TRAPPC9: variants seen among roughly 807,000 people sequenced by gnomAD.
TRAPPC9 encodes IKK2 binding protein.
Under a neutral mutation model 124.0 loss-of-function variants are expected in TRAPPC9, and 83 were observed. The ratio of observed to expected loss-of-function variants is 0.67; its 90% CI spans 0.56 to 0.80. TRAPPC9 has a LOEUF of 0.80. TRAPPC9 is among the 30% of genes least tolerant of loss of function. TRAPPC9 has a pLI of 0.00. For synonymous variants in TRAPPC9, 638 were observed against 617.5 expected (o/e 1.03, Z -0.49); for missense variants, 1,302 against 1,508.3 (o/e 0.86, Z 2.27).
At chr8:140,398,088 G>A (rs1266272850) in intron 6 of TRAPPC9, among the ~76,000 whole-genome samples, 1 of 152,180 alleles carries the variant, frequency 6.6e-6, no homozygotes, top group East Asian at 1.9e-4. Context: ...CTCTTTGCCT[G>A]CTGTCATCCA....
intron 17 of TRAPPC9, among the ~76,000 whole-genome samples, chr8:140,068,479 G>A (rs1369506716): frequency 1.3e-5 from 2 of 152,054 alleles, no homozygotes; most frequent in African/African-American, 4.8e-5. Flanking sequence ...CATTTGGAGG[G>A]GACCTTCACT....
intron 21 of TRAPPC9, among the ~76,000 whole-genome samples, chr8:139,872,335 G>A (rs1296412461): frequency 9.7e-6 from 1 of 103,474 alleles, no homozygotes; most frequent in Non-Finnish European, 2.5e-5. Context: ...TGAGTGGATG[G>A]ATAGATGCGT....
chr8:140,105,151 C>G (rs1259492606), intron 17 of TRAPPC9, among the ~76,000 whole-genome samples: 1 of 152,238 alleles, frequency 6.6e-6, no homozygotes, highest in Admixed American at 6.5e-5. Context: ...TCCTAGGTTC[C>G]TGTTTCTTAC....
At position 140,369,734 on chromosome 8, in the gene TRAPPC9, C is replaced by T. The variant is rs1247340207; in HGVS notation, c.1351+1230G>A. 8.6e-5 allele frequency among the ~76,000 whole-genome samples: 13 copies of T among 151,914 alleles called. No homozygotes were observed. The South Asian group carries it at 1.2e-3, about 15-fold the overall frequency. ...TGGGAGGCCAAAGTGGGCGGATCAC[C>T]TGAGGTCAGGAGTTTGAGACCAGCC... On this transcript the variant is annotated intron_variant, in intron 8 of 22. Transcript: ENST00000438773.
intron 19 of TRAPPC9, among the ~76,000 whole-genome samples, chr8:139,919,651 T>C (rs957763089): frequency 3.9e-5 from 6 of 152,242 alleles, no homozygotes; most frequent in South Asian, 2.1e-4. Context: ...TTTCACCCAT[T>C]GACCTGTGTT....
intron 19 of TRAPPC9, among the ~76,000 whole-genome samples, chr8:139,967,558 A>C (rs1835783729): frequency 1.3e-5 from 2 of 152,228 alleles, no homozygotes; most frequent in Admixed American, 1.3e-4. Context: ...CTGATGTCTA[A>C]ACAATGACAC....
intron 9 of TRAPPC9, among the ~76,000 whole-genome samples, chr8:140,313,841 G>T (rs1015529910): frequency 6.6e-6 from 1 of 152,126 alleles, no homozygotes; most frequent in Non-Finnish European, 1.5e-5. Context: ...TAGGGACAGG[G>T]AATGGGGGTT....
At chr8:140,105,354 A>G (rs1273935211) in intron 17 of TRAPPC9, among the ~76,000 whole-genome samples, 18 of 152,204 alleles carry the variant, frequency 1.2e-4, no homozygotes, top group South Asian at 2.1e-4. Flanking sequence ...ACACTGTTGA[A>G]TCTGTCTCCC....
intron 8 of TRAPPC9, 140 bp downstream of exon 8, chr8:140,370,824 C>A: frequency 2.2e-6 from 2 of 905,926 alleles, no homozygotes; most frequent in Admixed American, 2.0e-5. Flanking sequence ...CAGCAGGCAC[C>A]CAACTCCAGG....
chr8:139,924,414 C>G (rs1563925553), intron 19 of TRAPPC9, among the ~76,000 whole-genome samples: 1 of 152,198 alleles, frequency 6.6e-6, no homozygotes, highest in Non-Finnish European at 1.5e-5. Context: ...ATGCCAGAAC[C>G]TCCTTAGGAA....
intron 17 of TRAPPC9, among the ~76,000 whole-genome samples, chr8:140,186,511 G>A (rs906173049): frequency 4.6e-5 from 7 of 152,012 alleles, no homozygotes; most frequent in Non-Finnish European, 7.4e-5. Flanking sequence ...GCTTGAACCC[G>A]GGAGGCAGAG....
intron 7 of TRAPPC9, among the ~76,000 whole-genome samples, chr8:140,388,758 G>A (rs1379710430): frequency 2.0e-5 from 3 of 149,604 alleles, no homozygotes; most frequent in African/African-American, 7.4e-5. Context: ...TGAGGTGGAA[G>A]AATTGCTTGA....
intron 2 of TRAPPC9, among the ~76,000 whole-genome samples, chr8:140,440,064 T>C (rs190385367): frequency 6.6e-6 from 1 of 152,328 alleles, no homozygotes; most frequent in Non-Finnish European, 1.5e-5. Context: ...ACTCTGGAAT[T>C]TAGCATTTCC....
chr8:140,193,821 C>T (rs2062562963), intron 17 of TRAPPC9, among the ~76,000 whole-genome samples: 1 of 152,140 alleles, frequency 6.6e-6, no homozygotes, highest in African/African-American at 2.4e-5. Context: ...GACTGTAATA[C>T]CTATCTTTCA....
intron 21 of TRAPPC9, among the ~76,000 whole-genome samples, chr8:139,851,452 G>A (rs1827453068): frequency 6.6e-6 from 1 of 152,128 alleles, no homozygotes; most frequent in Admixed American, 6.5e-5. Context: ...ACAGGATGGT[G>A]GTTAGACGGT....
chr8:139,775,613 G>A (rs1161101290), intron 21 of TRAPPC9, among the ~76,000 whole-genome samples: 1 of 152,204 alleles, frequency 6.6e-6, no homozygotes, highest in African/African-American at 2.4e-5. Flanking sequence ...GGACATCTGA[G>A]GCCAGCCTGG....
At chr8:140,049,968 C>T (rs1176748614) in intron 17 of TRAPPC9, among the ~76,000 whole-genome samples, 1 of 152,214 alleles carries the variant, frequency 6.6e-6, no homozygotes, top group African/African-American at 2.4e-5. Flanking sequence ...GCCTACACGC[C>T]AAATGACACA....
chr8:140,300,473 T>C lies in TRAPPC9; in HGVS notation c.1764A>G (p.Lys588=). 1.2e-6 allele frequency: 2 copies of C among 1,614,180 alleles called. No individual in the cohort carries two copies. Among genetic ancestry groups the C allele is most frequent in the Non-Finnish European group, 1.7e-6 (2 of 1,180,012 alleles). ...AHNRGEERNK[K]IDFQWVQGDV... ...AAGCCAGGATCGACGTCCTACCTAT[T>C]TTCTTGTTCCGCTCTTCTCCACGGT... is the stretch of plus-strand genomic sequence containing the variant. The change falls in exon 11 of 23, where the codon AAA becomes AAG. Residue 588 remains lysine (K), a synonymous_variant. Transcript: ENST00000438773.
chr8:140,207,850 TTA>T (rs2062963321), intron 17 of TRAPPC9, among the ~76,000 whole-genome samples: 1 of 152,196 alleles, frequency 6.6e-6, no homozygotes, highest in Non-Finnish European at 1.5e-5. Flanking sequence ...ATTTGGATGT[TTA>T]TGTTAAAATT....
Sources: allele counts gnomAD v4.1 joint callset (sites outside exome capture counted in the v4.1 genomes callset), GRCh38; gene constraint gnomAD v4.1.1; transcripts MANE v1.5; gene names NCBI Gene and HGNC (gene_info 2026-07-23, HGNC 2026-07-21).